The following ADAM23 variants were observed in gnomAD, a reference collection of about 807,000 sequenced individuals.
ADAM23 encodes ADAM metallopeptidase domain 23.
Under a neutral mutation model 120.1 loss-of-function variants are expected in ADAM23, and 33 were observed. The ratio of observed to expected loss-of-function variants is 0.27; its 90% confidence interval spans 0.21 to 0.37. The LOEUF is 0.37. ADAM23 is among the 10% of genes least tolerant of loss of function. The pLI, the probability that ADAM23 is intolerant of heterozygous loss-of-function variation, is 1.00. For missense variants in ADAM23, 862 were observed against 1,058.2 expected (o/e 0.81, Z 2.57); for synonymous variants, 367 against 375.2 (o/e 0.98, Z 0.25).
chr2:206,474,859 G>A (rs776288571), intron 2 of ADAM23, among the ~76,000 whole-genome samples: 15 of 152,196 alleles, frequency 9.9e-5, no homozygotes, highest in Non-Finnish European at 2.2e-4. Flanking sequence ...ACAGGCATGA[G>A]CCACTGCGCC....
chr2:206,550,157 A>G lies in ADAM23; in HGVS notation c.930A>G (p.Lys310=), dbSNP rs1037372200. ...AACTTATGATTGTTAATGATCACAAAACGGTAAGAATATAGAGTCAGTGGG... is the reference window on the plus strand; with the variant it reads ...AACTTATGATTGTTAATGATCACAAGACGGTAAGAATATAGAGTCAGTGGG... The part of the protein sequence containing the change: ...YLELMIVNDH[K]TYKKHRSSHA... The change falls in exon 9 of 26, where the codon AAA becomes AAG. Residue 310 remains lysine, a synonymous_variant. Transcript: ENST00000264377. 1.3e-5 allele frequency: 21 copies of G among 1,566,910 alleles called. No homozygotes were observed. Among genetic ancestry groups the G allele is most frequent in the Non-Finnish European group, 1.8e-5 (20 of 1,141,406 alleles).
At chr2:206,562,418 C>A in intron 13 of ADAM23, 125 bp downstream of exon 13, 1 of 660,042 alleles carries the variant, frequency 1.5e-6, no homozygotes, top group Non-Finnish European at 2.5e-6. Context: ...TCTCCTTCCT[C>A]TAAAATATTT....
chr2:206,454,739 T>C (rs1307687003), intron 2 of ADAM23, among the ~76,000 whole-genome samples: 6 of 152,238 alleles, frequency 3.9e-5, no homozygotes, highest in Non-Finnish European at 4.4e-5. Context: ...ATAAAGGGGC[T>C]ACAGGCTCCA....
chr2:206,451,198 A>C (rs1695186534), intron 2 of ADAM23, among the ~76,000 whole-genome samples: 1 of 152,212 alleles, frequency 6.6e-6, no homozygotes, highest in Non-Finnish European at 1.5e-5. Context: ...TTGCTTGGGT[A>C]GTAGCAGGTT....
chr2:206,554,707 G>A (rs997798768), intron 9 of ADAM23, among the ~76,000 whole-genome samples: 2 of 152,110 alleles, frequency 1.3e-5, no homozygotes, highest in African/African-American at 4.8e-5. Context: ...TTCTAGCTGT[G>A]TGATCTTGAG....
chr2:206,456,393 A>G (rs1038969675), intron 2 of ADAM23, among the ~76,000 whole-genome samples: 13 of 152,088 alleles, frequency 8.5e-5, no homozygotes, highest in Admixed American at 5.9e-4. Flanking sequence ...GGGGATTACA[A>G]TTCAACATGA....
At chr2:206,450,142 T>A (rs1476607405) in intron 2 of ADAM23, among the ~76,000 whole-genome samples, 1 of 152,148 alleles carries the variant, frequency 6.6e-6, no homozygotes, top group Non-Finnish European at 1.5e-5. Flanking sequence ...GTCTCTGCCA[T>A]GAGATGTTAG....
At chr2:206,584,811 T>C (rs1698289736) in intron 18 of ADAM23, among the ~76,000 whole-genome samples, 1 of 152,236 alleles carries the variant, frequency 6.6e-6, no homozygotes, top group African/African-American at 2.4e-5. Flanking sequence ...TCCTTCTCCC[T>C]GTGGAGTTTT....
chr2:206,614,906 T>G (rs1698905653), intron 25 of ADAM23, among the ~76,000 whole-genome samples: 1 of 152,148 alleles, frequency 6.6e-6, no homozygotes, highest in South Asian at 2.1e-4. Flanking sequence ...CTGGGACTCC[T>G]GGGTTAGGCA....
At chr2:206,506,646 G>T (rs1385079823) in intron 3 of ADAM23, among the ~76,000 whole-genome samples, 2 of 152,134 alleles carry the variant, frequency 1.3e-5, no homozygotes, top group Admixed American at 6.6e-5. Context: ...GGTAAACAGA[G>T]TACCTTCATT....
chr2:206,449,097 G>A (rs1272438576), intron 2 of ADAM23, among the ~76,000 whole-genome samples: 3 of 152,152 alleles, frequency 2.0e-5, no homozygotes, highest in African/African-American at 4.8e-5. Flanking sequence ...GGAGGACATC[G>A]AGGTGGTATG....
chr2:206,537,459 G>T (rs1697200186), intron 4 of ADAM23, among the ~76,000 whole-genome samples: 1 of 152,108 alleles, frequency 6.6e-6, no homozygotes. Flanking sequence ...GTCAGTCAGA[G>T]TCTGGCCGAG....
At chr2:206,505,961 T>C (rs769394157) in intron 3 of ADAM23, among the ~76,000 whole-genome samples, 2 of 152,186 alleles carry the variant, frequency 1.3e-5, no homozygotes, top group African/African-American at 2.4e-5. Flanking sequence ...AGAGAGAGAA[T>C]GTGGGATTTT....
chr2:206,455,968 C>A (rs1256688217), intron 2 of ADAM23, among the ~76,000 whole-genome samples: 1 of 152,186 alleles, frequency 6.6e-6, no homozygotes, highest in African/African-American at 2.4e-5. Context: ...CCAAACTGTT[C>A]CAACCTCCGC....
At chr2:206,473,970 C>T (rs1283972088) in intron 2 of ADAM23, among the ~76,000 whole-genome samples, 1 of 150,222 alleles carries the variant, frequency 6.7e-6, no homozygotes, top group Non-Finnish European at 1.5e-5. Flanking sequence ...TGTGATTGCA[C>T]CACTCCACAC....
At chr2:206,600,706 A>G (rs1436404231) in intron 24 of ADAM23, among the ~76,000 whole-genome samples, 2 of 152,160 alleles carry the variant, frequency 1.3e-5, no homozygotes, top group Non-Finnish European at 2.9e-5. Context: ...ACCTGAAAGC[A>G]TTGCCACTGT....
At chr2:206,574,922 C>T (rs892236207) in intron 18 of ADAM23, among the ~76,000 whole-genome samples, 4 of 152,124 alleles carry the variant, frequency 2.6e-5, no homozygotes, top group Admixed American at 2.6e-4. Context: ...TGAGGGCCTA[C>T]TGTGTTAAGC....
chr2:206,598,539 T>A (rs2105854529), intron 24 of ADAM23, among the ~76,000 whole-genome samples: 1 of 152,346 alleles, frequency 6.6e-6, no homozygotes, highest in Middle Eastern at 3.4e-3. Flanking sequence ...ATCCTTCAAG[T>A]AATACATACT....
chr2:206,559,054 C>G (rs965128794), intron 10 of ADAM23, among the ~76,000 whole-genome samples: 7 of 152,150 alleles, frequency 4.6e-5, no homozygotes, highest in Admixed American at 1.3e-4. Flanking sequence ...ACGCCATTCT[C>G]CTGCCTCAGC....
Sources: allele counts gnomAD v4.1 joint callset (sites outside exome capture counted in the v4.1 genomes callset), GRCh38; gene constraint gnomAD v4.1.1; transcripts MANE v1.5; gene names NCBI Gene and HGNC (gene_info 2026-07-23, HGNC 2026-07-21).